The following GATAD2B variants were observed in gnomAD, a reference collection of about 807,000 sequenced individuals.
GATAD2B encodes transcriptional repressor p66-beta.
In GATAD2B, 8 loss-of-function variants were observed where a neutral mutation model predicts 64.3. That is an observed-to-expected ratio of 0.12 (90% CI 0.07 to 0.22). The LOEUF (loss-of-function observed/expected upper bound fraction) is 0.22, where lower values mean the gene tolerates loss of function less well. GATAD2B is among the 10% of genes least tolerant of loss of function. GATAD2B has a pLI of 1.00. For synonymous variants in GATAD2B, 281 were observed against 271.3 expected, an observed-to-expected ratio of 1.04 and a Z score of -0.35; for missense variants, 453 against 752.0, an observed-to-expected ratio of 0.60 and a Z score of 4.65.
At chr1:153,826,642 C>G (rs555112267) in intron 2 of GATAD2B, among the ~76,000 whole-genome samples, 1 of 151,198 alleles carries the variant, frequency 6.6e-6, no homozygotes, top group Non-Finnish European at 1.5e-5. Flanking sequence ...CACACACACA[C>G]ACAACTTGGG....
intron 1 of GATAD2B, among the ~76,000 whole-genome samples, chr1:153,906,764 A>G (rs1215219093): frequency 6.6e-6 from 1 of 152,236 alleles, no homozygotes; most frequent in Non-Finnish European, 1.5e-5. Flanking sequence ...TAAAATCCAG[A>G]ATATACAAAG....
intron 1 of GATAD2B, among the ~76,000 whole-genome samples, chr1:153,861,838 A>G (rs901057825): frequency 6.9e-6 from 1 of 143,966 alleles, no homozygotes; most frequent in African/African-American, 2.5e-5. Context: ...GTATATGTAT[A>G]TATGTATGTA....
At chr1:153,823,132 T>C (rs1674740675) in intron 2 of GATAD2B, among the ~76,000 whole-genome samples, 1 of 152,182 alleles carries the variant, frequency 6.6e-6, no homozygotes, top group African/African-American at 2.4e-5. Context: ...CTGGCCTCAT[T>C]TGTTAAACAT....
intron 10 of GATAD2B, 24 bp downstream of exon 10, chr1:153,811,707 C>G (rs1041854717): frequency 7.1e-7 from 1 of 1,409,662 alleles, no homozygotes; most frequent in African/African-American, 1.4e-5. Context: ...CCATGAGAAA[C>G]ATTTTCAGAT....
At chr1:153,909,053 A>C (rs1293934129) in intron 1 of GATAD2B, among the ~76,000 whole-genome samples, 1 of 152,004 alleles carries the variant, frequency 6.6e-6, no homozygotes, top group Admixed American at 6.6e-5. Flanking sequence ...TTTATTTTAA[A>C]AATTAGCTGG....
intron 1 of GATAD2B, among the ~76,000 whole-genome samples, chr1:153,848,726 G>T: frequency 6.6e-6 from 1 of 152,222 alleles, no homozygotes; most frequent in Non-Finnish European, 1.5e-5. Flanking sequence ...GGCCGAGGCG[G>T]GTGGATCATG....
intron 1 of GATAD2B, chr1:153,853,151 T>G: frequency 7.0e-7 from 1 of 1,422,352 alleles, no homozygotes; most frequent in East Asian, 2.3e-5. Flanking sequence ...CAATCCTGTC[T>G]AGCCCCTTAC....
chr1:153,862,117 C>CGT (rs1160441597), intron 1 of GATAD2B, among the ~76,000 whole-genome samples: 2 of 123,954 alleles, frequency 1.6e-5, no homozygotes, highest in Non-Finnish European at 3.5e-5. Flanking sequence ...TACATTATAT[C>CGT]CTTTTTTTTT....
At chr1:153,818,018 G>A (rs534646876) in intron 5 of GATAD2B, 22 bp downstream of exon 5, 2 of 1,567,578 alleles carry the variant, frequency 1.3e-6, no homozygotes, top group African/African-American at 2.8e-5. Flanking sequence ...CCAACACTAA[G>A]ATCCCACTAT....
intron 1 of GATAD2B, among the ~76,000 whole-genome samples, chr1:153,900,927 A>C (rs1482940386): frequency 2.0e-5 from 3 of 152,324 alleles, no homozygotes; most frequent in Non-Finnish European, 2.9e-5. Flanking sequence ...AAAATCATAA[A>C]AACTGGCCAG....
chr1:153,903,391 T>A (rs138838913), intron 1 of GATAD2B, among the ~76,000 whole-genome samples: 108 of 152,242 alleles, frequency 7.1e-4, no homozygotes, highest in African/African-American at 2.4e-3. Flanking sequence ...TAAACTCATA[T>A]CATTGCTCAG....
rs1346740065 is a variant in GATAD2B, at chr1:153,807,997, C to T, written c.*2180G>A. Reference sequence around the variant, plus strand: ...TTTTGTGGAAGAGAGAAAAGCAAAACCAAACAATTTATCCAGTGCTTTCAA... The same window carrying T: ...TTTTGTGGAAGAGAGAAAAGCAAAATCAAACAATTTATCCAGTGCTTTCAA... On this transcript the variant is annotated 3_prime_UTR_variant, in exon 11 of 11. Transcript: ENST00000368655. The T allele has an allele frequency of 6.6e-6, 1 of 152,244 alleles. No homozygotes were observed. The highest frequency in any genetic ancestry group is 6.6e-5 in the Admixed American group (1 of 15,244). 9.4% of individuals were successfully genotyped at this position (152,244 alleles called of 1,614,324 possible).
At chr1:153,826,846 C>T (rs972402912) in intron 2 of GATAD2B, among the ~76,000 whole-genome samples, 5 of 150,866 alleles carry the variant, frequency 3.3e-5, no homozygotes, top group Admixed American at 6.6e-5. Flanking sequence ...GAGGCTAGGG[C>T]GCGAAGATAA....
intron 1 of GATAD2B, among the ~76,000 whole-genome samples, chr1:153,869,379 G>A (rs768096186): frequency 6.6e-6 from 1 of 150,870 alleles, no homozygotes; most frequent in Non-Finnish European, 1.5e-5. Flanking sequence ...TTATCAACTT[G>A]AGTTTCACTG....
At chr1:153,815,822 G>A (rs1246349166) in intron 7 of GATAD2B, among the ~76,000 whole-genome samples, 2 of 152,190 alleles carry the variant, frequency 1.3e-5, no homozygotes, top group Admixed American at 1.3e-4. Flanking sequence ...GGAAGCCGAG[G>A]TGGGCAGATC....
intron 1 of GATAD2B, among the ~76,000 whole-genome samples, chr1:153,907,217 C>T (rs1295403185): frequency 6.6e-6 from 1 of 152,240 alleles, no homozygotes. Context: ...ATGTTCACAG[C>T]AGCCTTGTTT....
chr1:153,903,080 T>C (rs1677827511), intron 1 of GATAD2B, among the ~76,000 whole-genome samples: 1 of 151,832 alleles, frequency 6.6e-6, no homozygotes, highest in Non-Finnish European at 1.5e-5. Context: ...TAGCCGGGCG[T>C]GGTGGCGGGC....
chr1:153,853,049 A>G (rs771311177), intron 1 of GATAD2B: 2 of 1,493,896 alleles, frequency 1.3e-6, no homozygotes, highest in Non-Finnish European at 1.9e-6. Flanking sequence ...CAGTCACAGT[A>G]GTCGTCACAG....
At chr1:153,883,078 T>C (rs1423334850) in intron 1 of GATAD2B, among the ~76,000 whole-genome samples, 5 of 152,172 alleles carry the variant, frequency 3.3e-5, no homozygotes, top group Admixed American at 2.0e-4. Context: ...ATATCTCCCA[T>C]GAATATGTCA....
Sources: allele counts gnomAD v4.1 joint callset (sites outside exome capture counted in the v4.1 genomes callset), GRCh38; gene constraint gnomAD v4.1.1; transcripts MANE v1.5; gene names NCBI Gene and HGNC (gene_info 2026-07-23, HGNC 2026-07-21).